Variants in MORF4L1 observed in about 807,000 individuals in gnomAD.
The protein encoded by MORF4L1 is mortality factor 4 like 1, also known as mortality factor 4-like protein 1.
MORF4L1 carries 4 observed loss-of-function variants against 52.9 expected under a neutral mutation model. The observed-to-expected ratio is 0.08, with a 90% CI of 0.04 to 0.17. The LOEUF (loss-of-function observed/expected upper bound fraction) is 0.17, where lower values mean the gene tolerates loss of function less well. MORF4L1 is among the 10% of genes least tolerant of loss of function. The probability of loss-of-function intolerance (pLI) is 1.00; values close to 1 mark genes in which losing one functional copy is unlikely to be tolerated. For synonymous variants in MORF4L1, 123 were observed against 134.8 expected (o/e 0.91, Z 0.61); for missense variants, 214 against 390.4 (o/e 0.55, Z 3.81).
At chr15:78,875,753 T>G (rs766188107) in intron 1 of MORF4L1, among the ~76,000 whole-genome samples, 6 of 149,014 alleles carry the variant, frequency 4.0e-5, no homozygotes, top group Non-Finnish European at 8.9e-5. Context: ...GCCATCGCAC[T>G]CCAGCCTGGG....
intron 6 of MORF4L1, 73 bp downstream of exon 6, chr15:78,891,087 T>C: frequency 7.0e-7 from 1 of 1,422,300 alleles, no homozygotes; most frequent in South Asian, 1.2e-5. Context: ...TTGAAAGCTA[T>C]GAAATTTTGG....
In MORF4L1 at chr15:78,889,717, T is replaced by C. The variant is rs182851607; in HGVS notation, c.324-1272T>C. On this transcript the variant is annotated intron_variant, in intron 5 of 11. Coordinates refer to ENST00000426013, the MANE Select transcript of MORF4L1 (RefSeq NM_006791.4). Reference sequence around the variant, plus strand: ...AGACAAGAGAAAACCTATACACAGATTTTTGTGTTTATATCCAAACATAAG... The same window carrying C: ...AGACAAGAGAAAACCTATACACAGACTTTTGTGTTTATATCCAAACATAAG... 1.2e-3 allele frequency among the ~76,000 whole-genome samples: 180 copies of C among 152,272 alleles called. 1 individual carries two copies. Among genetic ancestry groups the C allele is most frequent in the African/African-American group, 4.3e-3 (177 of 41,560 alleles).
At chr15:78,886,343 C>A in intron 4 of MORF4L1, 116 bp downstream of exon 4, 2 of 883,690 alleles carry the variant, frequency 2.3e-6, no homozygotes, top group Non-Finnish European at 3.7e-6. Context: ...ATTCCTGGTA[C>A]CTTTCAGCTG....
Position 78,891,464 on chromosome 15 carries a change from C to T in MORF4L1, c.350-20C>T. On this transcript the variant is annotated intron_variant, in intron 6 of 11. Transcript: ENST00000426013. ...TTGTTAAATTAGCTAAATGAGACCC[C>T]TCCCCGCCAACATTTACAGCACCTG... The T allele has an allele frequency of 2.5e-6, 4 of 1,601,140 alleles. No homozygotes were observed. Among genetic ancestry groups the T allele is most frequent in the Non-Finnish European group, 3.4e-6 (4 of 1,168,680 alleles).
intron 10 of MORF4L1, chr15:78,894,619 G>T: frequency 5.6e-6 from 3 of 533,232 alleles, no homozygotes; most frequent in Non-Finnish European, 1.0e-5. Context: ...ACGTTCGCCA[G>T]GGTGGTCTTG....
chr15:78,878,025 C>G (rs771901440), intron 1 of MORF4L1, 188 bp from the exon 2 acceptor site: 10 of 474,084 alleles, frequency 2.1e-5, no homozygotes, highest in Middle Eastern at 5.2e-4. Flanking sequence ...TTTTTACCAT[C>G]GGATACCAAC....
In MORF4L1 at chr15:78,897,303, A is replaced by G. The variant is rs1308605199; in HGVS notation, c.*236A>G. On this transcript the variant is annotated 3_prime_UTR_variant, in exon 12 of 12. Coordinates refer to ENST00000426013, the MANE Select transcript of MORF4L1 (RefSeq NM_006791.4). ...GTTTTCAATGATGGACAACAGAGGG[A>G]TATGCTGTAGAGTGTTTTATTGCCT... The G allele has an allele frequency of 2.6e-6, 1 of 391,874 alleles. No individual in the cohort carries two copies. The highest frequency in any genetic ancestry group is 2.1e-5 in the African/African-American group (1 of 48,352). The allele number at this position is 391,874 out of a possible 1,614,324, so 24.3% of individuals were successfully genotyped here. A position where few individuals can be genotyped will look rare whatever the true frequency, so the allele number is the denominator to read the frequency against.
At chr15:78,889,024 A>T in intron 5 of MORF4L1, among the ~76,000 whole-genome samples, 1 of 152,276 alleles carries the variant, frequency 6.6e-6, no homozygotes, top group East Asian at 1.9e-4. Flanking sequence ...CTAATTCTTT[A>T]TCACTGTGCT....
At chr15:78,873,184 TGTGC>T in intron 1 of MORF4L1, 127 bp downstream of exon 1, 2 of 1,521,938 alleles carry the variant, frequency 1.3e-6, no homozygotes, top group Non-Finnish European at 1.8e-6. Context: ...GTCAGTGCTT[TGTGC>T]GGGGAAAGCG....
chr15:78,892,355 ATTC>A, intron 8 of MORF4L1, 42 bp downstream of exon 8: 4 of 1,428,308 alleles, frequency 2.8e-6, no homozygotes, highest in Non-Finnish European at 3.9e-6. Context: ...TATATGATAC[ATTC>A]TTGCTAGCAA....
chr15:78,891,403 G>A (rs1015731349), intron 6 of MORF4L1, 81 bp from the exon 7 acceptor site: 1 of 1,027,332 alleles, frequency 9.7e-7, no homozygotes, highest in Admixed American at 1.9e-5. Context: ...TAATGAAAAG[G>A]GTTAATGTGT....
At chr15:78,877,316 T>TC (rs2056513726) in intron 1 of MORF4L1, among the ~76,000 whole-genome samples, 1 of 152,122 alleles carries the variant, frequency 6.6e-6, no homozygotes, top group Non-Finnish European at 1.5e-5. Flanking sequence ...AGACAGGGTT[T>TC]CGCCTGTTGG....
intron 1 of MORF4L1, among the ~76,000 whole-genome samples, chr15:78,877,468 T>G (rs1187326233): frequency 6.6e-6 from 1 of 152,204 alleles, no homozygotes; most frequent in Non-Finnish European, 1.5e-5. Context: ...CTTGGATATT[T>G]CAGTTGTCCA....
chr15:78,887,496 G>A (rs1259759296), intron 5 of MORF4L1, 147 bp downstream of exon 5: 2 of 615,060 alleles, frequency 3.3e-6, no homozygotes, highest in Non-Finnish European at 5.4e-6. Flanking sequence ...GGTCGTTAAA[G>A]TAGTTTAAAA....
intron 3 of MORF4L1, among the ~76,000 whole-genome samples, chr15:78,884,749 A>G (rs1280582033): frequency 6.6e-6 from 1 of 152,044 alleles, no homozygotes; most frequent in Non-Finnish European, 1.5e-5. Flanking sequence ...TAAAATTCGT[A>G]CAACAAAACC....
intron 6 of MORF4L1, 100 bp downstream of exon 6, chr15:78,891,114 T>C (rs996710356): frequency 1.5e-6 from 2 of 1,310,716 alleles, no homozygotes; most frequent in Non-Finnish European, 2.1e-6. Flanking sequence ...CTTATGTTTA[T>C]TGATTATCTC....
At chr15:78,885,620 GTTGTT>G (rs1470443634) in intron 3 of MORF4L1, among the ~76,000 whole-genome samples, 2 of 152,168 alleles carry the variant, frequency 1.3e-5, no homozygotes, top group Non-Finnish European at 2.9e-5. Flanking sequence ...TACCTTTAGT[GTTGTT>G]TTGTGTCAGG....
At chr15:78,891,125 A>C (rs903937240) in intron 6 of MORF4L1, 111 bp downstream of exon 6, 4 of 1,243,228 alleles carry the variant, frequency 3.2e-6, no homozygotes, top group Non-Finnish European at 4.5e-6. Flanking sequence ...TGATTATCTC[A>C]AATAGGAGTC....
rs201601259 is a variant in MORF4L1 at position 78,886,171 on chromosome 15, A to G, written c.186A>G (p.Val62=). The G allele has an allele frequency of 3.9e-5, 63 of 1,613,956 alleles. No homozygotes were observed. The highest frequency in any genetic ancestry group is 5.1e-6 in the Non-Finnish European group (6 of 1,179,936). The part of the protein sequence containing the change: ...NWDEWVPESR[V]LKYVDTNLQK... ...ATGAATGGGTTCCGGAGAGCAGAGT[A>G]CTCAAATACGTGGACACCAATTTGC... The change falls in exon 4 of 12, where the codon GTA becomes GTG. Residue 62 remains valine (V), a synonymous_variant. Transcript: ENST00000426013.
Sources: gnomAD v4.1 joint callset for allele counts (sites outside exome capture counted in the v4.1 genomes callset) on GRCh38, gnomAD v4.1.1 for gene constraint, MANE v1.5 for transcripts, NCBI Gene and HGNC (gene_info 2026-07-23, HGNC 2026-07-21) for gene names.